The following SETD2 variants were observed in gnomAD, a reference collection of about 807,000 sequenced individuals.
SETD2 encodes histone-lysine N-methyltransferase SETD2.
A neutral mutation model predicts 242.1 loss-of-function variants in SETD2; 31 were observed. That is an observed-to-expected ratio of 0.13 (90% CI 0.10 to 0.17). The LOEUF (loss-of-function observed/expected upper bound fraction) is 0.17, where lower values mean the gene tolerates loss of function less well. Among genes scored for constraint, SETD2 ranks in the 10% least tolerant of loss-of-function variants. The pLI, the probability that SETD2 is intolerant of heterozygous loss-of-function variation, is 1.00. For synonymous variants in SETD2, 1,006 were observed against 1,066.5 expected, an observed-to-expected ratio of 0.94 and a Z score of 1.11; for missense variants, 2,481 against 3,046.3, an observed-to-expected ratio of 0.81 and a Z score of 4.37.
In SETD2 at chr3:47,027,180, T is replaced by C. The variant is rs186725309; in HGVS notation, c.7351-7340A>G. 2.0e-3 allele frequency among the ~76,000 whole-genome samples: 297 copies of C among 151,250 alleles called. 3 individuals carry two copies. The highest frequency in any genetic ancestry group is 6.5e-3 in the African/African-American group (270 of 41,224). On this transcript the variant is annotated intron_variant, in intron 18 of 20. Coordinates refer to ENST00000409792, the MANE Select transcript of SETD2 (RefSeq NM_014159.7). ...GAAACCCCATCTCTACTAAAAAATA[T>C]TTAAAAAATTAGCCATGCGTGGTGG...
At chr3:47,024,328 C>T (rs1192222960) in intron 18 of SETD2, among the ~76,000 whole-genome samples, 6 of 152,108 alleles carry the variant, frequency 3.9e-5, no homozygotes, top group Non-Finnish European at 7.4e-5. Context: ...AAAAATTAGC[C>T]AGGCGTGGTG....
At chr3:47,054,931 A>G (rs2039992664) in intron 15 of SETD2, among the ~76,000 whole-genome samples, 1 of 152,208 alleles carries the variant, frequency 6.6e-6, no homozygotes, top group Non-Finnish European at 1.5e-5. Flanking sequence ...GTGGTTACAA[A>G]TCATTTTAAG....
At chr3:47,037,583 GA>G in intron 18 of SETD2, 82 bp downstream of exon 18, 2 of 1,019,608 alleles carry the variant, frequency 2.0e-6, no homozygotes, top group Non-Finnish European at 3.1e-6. Flanking sequence ...TCAGAATAAA[GA>G]AAAAAGAATC....
chr3:47,051,993 A>G (rs2039866516), intron 15 of SETD2, among the ~76,000 whole-genome samples: 1 of 152,198 alleles, frequency 6.6e-6, no homozygotes, highest in Non-Finnish European at 1.5e-5. Context: ...AGATAACAAC[A>G]GCAGTATCTA....
chr3:47,041,145 T>G (rs1469982970), intron 17 of SETD2, among the ~76,000 whole-genome samples: 1 of 152,228 alleles, frequency 6.6e-6, no homozygotes, highest in Non-Finnish European at 1.5e-5. Flanking sequence ...TGGCAAACTT[T>G]CTCTGTAAAT....
At chr3:47,064,908 C>T (rs899966610) in intron 13 of SETD2, among the ~76,000 whole-genome samples, 11 of 151,622 alleles carry the variant, frequency 7.3e-5, no homozygotes, top group Non-Finnish European at 1.2e-4. Context: ...AGACTAAGGT[C>T]GGCAGAAAAG....
intron 16 of SETD2, among the ~76,000 whole-genome samples, chr3:47,043,352 G>A (rs1393883511): frequency 6.6e-6 from 1 of 152,142 alleles, no homozygotes; most frequent in Non-Finnish European, 1.5e-5. Context: ...AAAGAGAACT[G>A]ACACCAGAGG....
At chr3:47,070,112 A>G (rs1391220456) in intron 12 of SETD2, among the ~76,000 whole-genome samples, 6 of 152,356 alleles carry the variant, frequency 3.9e-5, no homozygotes, top group Admixed American at 2.0e-4. Flanking sequence ...ACAAAAATTT[A>G]AAGTAATTTA....
chr3:47,140,440 T>C (rs1559761440), intron 1 of SETD2, among the ~76,000 whole-genome samples: 1 of 152,244 alleles, frequency 6.6e-6, no homozygotes, highest in Non-Finnish European at 1.5e-5. Context: ...ATCTTTTCAA[T>C]TATCCATTTG....
chr3:47,074,844 C>A (rs888374182), intron 12 of SETD2, among the ~76,000 whole-genome samples: 11 of 152,158 alleles, frequency 7.2e-5, no homozygotes, highest in African/African-American at 2.7e-4. Flanking sequence ...GATTAAAAAT[C>A]TCTGCAGTAG....
At chr3:47,157,522 C>T (rs1210810050) in intron 1 of SETD2, 1 of 456,062 alleles carries the variant, frequency 2.2e-6, no homozygotes, top group Non-Finnish European at 4.4e-6. Flanking sequence ...ACTTTCACAT[C>T]ATGGCGCCTC....
intron 19 of SETD2, among the ~76,000 whole-genome samples, chr3:47,018,428 T>C (rs2038073596): frequency 6.6e-6 from 1 of 152,098 alleles, no homozygotes. Flanking sequence ...GTCATAGCCA[T>C]TTCATCAGAG....
chr3:47,018,701 AC>A (rs1418308739), intron 19 of SETD2, among the ~76,000 whole-genome samples: 1 of 152,148 alleles, frequency 6.6e-6, no homozygotes. Context: ...GGATTTCATT[AC>A]CCCCTGCTTA....
At chr3:47,091,696 G>A (rs1019004445) in intron 9 of SETD2, among the ~76,000 whole-genome samples, 1 of 152,170 alleles carries the variant, frequency 6.6e-6, no homozygotes. Flanking sequence ...GCGGGAGGCG[G>A]AGGTTACAGT....
At chr3:47,083,578 C>T in intron 12 of SETD2, 142 bp downstream of exon 12, 1 of 781,766 alleles carries the variant, frequency 1.3e-6, no homozygotes, top group Non-Finnish European at 2.0e-6. Flanking sequence ...GTTTGAGACA[C>T]TTATAAATAA....
chr3:47,069,314 T>C (rs1010619936), intron 12 of SETD2, among the ~76,000 whole-genome samples: 2 of 152,174 alleles, frequency 1.3e-5, no homozygotes, highest in African/African-American at 4.8e-5. Context: ...TTCTGAGATT[T>C]ATGCACAAAT....
At chr3:47,098,103 G>A (rs747367068) in intron 8 of SETD2, 22 bp from the exon 9 acceptor site, 1 of 1,613,044 alleles carries the variant, frequency 6.2e-7, no homozygotes, top group Non-Finnish European at 8.5e-7. Context: ...GCATAGGAAA[G>A]AAGTCAGCTA....
chr3:47,157,599 C>T lies in SETD2; in HGVS notation c.71+6255G>A, dbSNP rs1424054283. ...TAACAATAAAAGAACTGACCAGGGGCGTGGTGGCTCATGCCTGTAATCCCA... is the reference window on the plus strand; with the variant it reads ...TAACAATAAAAGAACTGACCAGGGGTGTGGTGGCTCATGCCTGTAATCCCA... On this transcript the variant is annotated intron_variant, in intron 1 of 20. Coordinates refer to ENST00000409792, the MANE Select transcript of SETD2 (RefSeq NM_014159.7). 1.8e-5 allele frequency: 8 copies of T among 453,438 alleles called. No individual in the cohort carries two copies. In the East Asian group the frequency reaches 2.8e-4, roughly 16 times the overall value. The allele number at this position is 453,438 out of a possible 1,614,324, so 28.1% of individuals were successfully genotyped here.
chr3:47,156,943 C>T (rs1263655222), intron 1 of SETD2, among the ~76,000 whole-genome samples: 2 of 152,004 alleles, frequency 1.3e-5, no homozygotes, highest in African/African-American at 4.8e-5. Context: ...GCCTGGGCAA[C>T]ACACCAAAAC....
Sources: allele counts gnomAD v4.1 joint callset (sites outside exome capture counted in the v4.1 genomes callset), GRCh38; gene constraint gnomAD v4.1.1; transcripts MANE v1.5; gene names NCBI Gene and HGNC (gene_info 2026-07-23, HGNC 2026-07-21).